The following SOX17 variants were observed in gnomAD, a reference collection of about 807,000 sequenced individuals.
The protein encoded by SOX17 is SRY-box transcription factor 17.
Under a neutral mutation model 16.0 loss-of-function variants are expected in SOX17, and 4 were observed. That is an observed-to-expected ratio of 0.25 (90% CI 0.12 to 0.57). The LOEUF (loss-of-function observed/expected upper bound fraction) is 0.57. Among genes scored for constraint, SOX17 ranks in the 20% least tolerant of loss-of-function variants. The probability of loss-of-function intolerance (pLI) is 0.92; values close to 1 mark genes in which losing one functional copy is unlikely to be tolerated. For synonymous variants in SOX17, 357 were observed against 284.6 expected, an observed-to-expected ratio of 1.25 and a Z score of -2.56; for missense variants, 633 against 609.7, an observed-to-expected ratio of 1.04 and a Z score of -0.40.
Position 54,458,961 on chromosome 8 carries a change from A to AG in SOX17, c.308-91dup. ...CCCCGGTTGCGCAATTCAAAGTCTG[A>AG]GGGGGGAGGTGCGTCCAGGTGGGGC... On this transcript the variant is annotated intron_variant, in intron 1 of 1. Coordinates refer to ENST00000297316, the MANE Select transcript of SOX17 (RefSeq NM_022454.4). 5 of 1,137,426 alleles carry AG rather than the reference A, an allele frequency of 4.4e-6. No individual in the cohort carries two copies. In the South Asian group the frequency reaches 5.1e-5, roughly 12 times the overall value. 70.5% of individuals were successfully genotyped at this position (1,137,426 alleles called of 1,614,324 possible).
At position 54,459,970 on chromosome 8, in the gene SOX17, A is replaced by G. The variant is rs1586330759; in HGVS notation, c.1220A>G (p.Tyr407Cys). 6.2e-7 allele frequency: 1 copy of G among 1,613,834 alleles called. No individual in the cohort carries two copies. The highest frequency in any genetic ancestry group is 8.5e-7 in the Non-Finnish European group (1 of 1,180,042). The part of the protein sequence containing the change: ...SVVSDASSAV[Y>C]YCNYPDV Reference sequence around the variant, plus strand: ...GTGTCCGACGCCAGCTCCGCGGTATATTACTGCAACTATCCTGACGTGTGA... The same window carrying G: ...GTGTCCGACGCCAGCTCCGCGGTATGTTACTGCAACTATCCTGACGTGTGA... Residue 407 changes from tyrosine (Y) to cysteine (C), a missense_variant, in exon 2 of 2, where the codon TAT becomes TGT. Tyr to Cys is a radical substitution (Grantham distance 194). This residue lies in a region of SOX17 where 479 missense variants were observed against 397.2 expected (regional missense o/e 1.21). Transcript: ENST00000297316.
rs1022573599 is a variant in SOX17 at position 54,460,094 on chromosome 8, CTGT to C, written c.*107_*109del. ...TCAGACTCCTGGGTTTTTGTTGTTGCTGTTGTTGTTTTTTAAAAGGTGTGTTGG... is the reference window on the plus strand; with the variant it reads ...TCAGACTCCTGGGTTTTTGTTGTTGCTGTTGTTTTTTAAAAGGTGTGTTGG... On this transcript the variant is annotated 3_prime_UTR_variant, in exon 2 of 2. Transcript: ENST00000297316. 28 of 1,314,064 alleles carry C rather than the reference CTGT, an allele frequency of 2.1e-5. No homozygotes were observed. Among genetic ancestry groups the C allele is most frequent in the African/African-American group, 7.2e-5 (5 of 69,100 alleles). 81.4% of individuals were successfully genotyped at this position (1,314,064 alleles called of 1,614,324 possible). A position where few individuals can be genotyped will look rare whatever the true frequency, so the allele number is the denominator to read the frequency against.
rs777465821 is a variant in SOX17 at position 54,459,501 on chromosome 8, T to A, written c.751T>A (p.Tyr251Asn). 3 of 1,527,048 alleles carry A rather than the reference T, an allele frequency of 2.0e-6. No homozygotes were observed. In the South Asian group the frequency reaches 3.6e-5, roughly 18 times the overall value. The allele number at this position is 1,527,048 out of a possible 1,614,324, so 94.6% of individuals were successfully genotyped here. ...CGGGGACTGCCCGGCGGCCGGCACC[T>A]ACAGCTACGCGCAGGTCTCGGACTA... The part of the protein sequence containing the change: ...MPGDCPAAGT[Y>N]SYAQVSDYAG... Residue 251 changes from tyrosine to asparagine, a missense_variant, in exon 2 of 2, where the codon TAC becomes AAC. This residue lies in a region of SOX17 where 479 missense variants were observed against 397.2 expected (regional missense o/e 1.21). Coordinates refer to ENST00000297316, the MANE Select transcript of SOX17 (RefSeq NM_022454.4).
Position 54,460,284 on chromosome 8 carries a change from C to T in SOX17, c.*289C>T, listed in dbSNP as rs984536780. The T allele has an allele frequency of 4.1e-6, 2 of 489,202 alleles. No individual in the cohort carries two copies. Among genetic ancestry groups the T allele is most frequent in the Non-Finnish European group, 7.3e-6 (2 of 272,692 alleles). The allele number at this position is 489,202 out of a possible 1,614,324, so 30.3% of individuals were successfully genotyped here. A position where few individuals can be genotyped will look rare whatever the true frequency, so the allele number is the denominator to read the frequency against. On this transcript the variant is annotated 3_prime_UTR_variant, in exon 2 of 2. Transcript: ENST00000297316. ...CTTTGAATGTGTCCCAAAACAGCTT[C>T]CTCCATTTCCTGAAAGTTTATTGAT...
In SOX17 at chr8:54,459,661, G is replaced by A. The variant is rs778285436; in HGVS notation, c.911G>A (p.Gly304Glu). The A allele has an allele frequency of 2.7e-5, 41 of 1,536,716 alleles. No individual in the cohort carries two copies. Among genetic ancestry groups the A allele is most frequent in the Middle Eastern group, 3.3e-4 (2 of 5,992 alleles). ...HVYYGAMGSP[G>E]AGGGRGFQMQ... is the part of the protein sequence containing the mutation. ...TACTACGGCGCGATGGGCTCGCCCGGGGCGGGCGGCGGGCGCGGCTTCCAG... is the reference window on the plus strand; with the variant it reads ...TACTACGGCGCGATGGGCTCGCCCGAGGCGGGCGGCGGGCGCGGCTTCCAG... Residue 304 changes from glycine (G) to glutamate (E), a missense_variant, in exon 2 of 2, where the codon GGG (glycine) becomes GAG (glutamate). Around this residue, in one of 5 missense-constraint regions of SOX17, gnomAD observed 479 missense variants for 397.2 expected, o/e 1.21. Coordinates refer to ENST00000297316, the MANE Select transcript of SOX17 (RefSeq NM_022454.4).
rs559300834 is a variant in SOX17 at position 54,459,167 on chromosome 8, G to A, written c.417G>A (p.Pro139=). ...MQDHPNYKYR[P]RRRKQVKRLK... ...ACCACCCCAACTACAAGTACCGGCCGCGGCGGCGCAAGCAGGTGAAGCGGC... is the reference window on the plus strand; with the variant it reads ...ACCACCCCAACTACAAGTACCGGCCACGGCGGCGCAAGCAGGTGAAGCGGC... Residue 139 remains proline (P), a synonymous_variant, in exon 2 of 2, where the codon CCG becomes CCA. Coordinates refer to ENST00000297316, the MANE Select transcript of SOX17 (RefSeq NM_022454.4). The A allele has an allele frequency of 3.8e-5, 61 of 1,605,572 alleles. No individual in the cohort carries two copies. In the East Asian group the frequency reaches 1.2e-3, roughly 32 times the overall value.
In SOX17 at chr8:54,460,133, A is replaced by G; in HGVS notation, c.*138A>G. The stretch of plus-strand genomic sequence containing the variant: ...TAAAAGGTGTGTTGGCATATAATTT[A>G]TGGTAATTTATTTTGTCTGCCACTT... On this transcript the variant is annotated 3_prime_UTR_variant, in exon 2 of 2. Transcript: ENST00000297316. The G allele has an allele frequency of 1.1e-6, 1 of 874,266 alleles. No individual in the cohort carries two copies. The highest frequency in any genetic ancestry group is 2.2e-5 in the Admixed American group (1 of 45,904). 54.2% of individuals were successfully genotyped at this position (874,266 alleles called of 1,614,324 possible).
At position 54,459,104 on chromosome 8, in the gene SOX17, G is replaced by A. The variant is rs760363412; in HGVS notation, c.354G>A (p.Val118=). ...ALTLAEKRPF[V]EEAERLRVQH... ...CGCTGGCGGAGAAGCGGCCCTTCGT[G>A]GAGGAGGCAGAGCGGCTGCGCGTGC... is the stretch of plus-strand genomic sequence containing the variant. Residue 118 remains valine, a synonymous_variant, in exon 2 of 2, where the codon GTG becomes GTA. Transcript: ENST00000297316. 1 of 1,609,384 alleles carries A rather than the reference G, an allele frequency of 6.2e-7. No homozygotes were observed. The highest frequency in any genetic ancestry group is 8.5e-7 in the Non-Finnish European group (1 of 1,178,330).
chr8:54,458,537 G>A, intron 1 of SOX17, 92 bp downstream of exon 1: 2 of 1,495,432 alleles, frequency 1.3e-6, no homozygotes, highest in Non-Finnish European at 1.8e-6. Context: ...TTGCGAGCCT[G>A]ACGCCCAAAA....
At position 54,459,038 on chromosome 8, in the gene SOX17, C is replaced by CCCTT; in HGVS notation, c.308-13_308-10dup. 1 of 1,580,824 alleles carries CCCTT rather than the reference C, an allele frequency of 6.3e-7. No individual in the cohort carries two copies. The highest frequency in any genetic ancestry group is 1.8e-5 in the Admixed American group (1 of 55,944). Reference sequence around the variant, plus strand: ...GCCGATAAGCCCTGCGCCCCTCTCCCCCTTCCTTCCACTGTGCAGGCAAGT... The same window carrying CCCTT: ...GCCGATAAGCCCTGCGCCCCTCTCCCCCTTCCTTCCTTCCACTGTGCAGGCAAGT... On this transcript the variant is annotated intron_variant, in intron 1 of 1. Transcript: ENST00000297316.
At chr8:54,459,010 G>A (rs2129277962) in intron 1 of SOX17, 48 bp from the exon 2 acceptor site, 3 of 1,487,870 alleles carry the variant, frequency 2.0e-6, no homozygotes, top group Non-Finnish European at 1.8e-6. Flanking sequence ...GAGCGGGAGC[G>A]CAGCCGATAA....
Position 54,459,565 on chromosome 8 carries a change from C to T in SOX17, c.815C>T (p.Pro272Leu), listed in dbSNP as rs1804701635. The T allele has an allele frequency of 1.3e-6, 2 of 1,536,308 alleles. No individual in the cohort carries two copies. The highest frequency in any genetic ancestry group is 1.9e-4 in the Middle Eastern group (1 of 5,332). The change falls in exon 2 of 2, where the codon CCC becomes CTC. Residue 272 changes from proline (P) to leucine (L), a missense_variant. Physicochemically the swap from Pro to Leu is moderately conservative, Grantham distance 98 (BLOSUM62 -3). Coordinates refer to ENST00000297316, the MANE Select transcript of SOX17 (RefSeq NM_022454.4). ...PPEPPAGPMH[P>L]RLGPEPAGPS... ...GAGCCTCCCGCCGGTCCCATGCACC[C>T]CCGACTCGGCCCAGAGCCCGCGGGT... is the stretch of plus-strand genomic sequence containing the variant.
rs976208695 is a variant in SOX17 at position 54,458,423 on chromosome 8, C to T, written c.285C>T (p.Asn95=). 1.4e-5 allele frequency: 23 copies of T among 1,612,692 alleles called. No homozygotes were observed. Among genetic ancestry groups the T allele is most frequent in the East Asian group, 2.2e-5 (1 of 44,886 alleles). The change falls in exon 1 of 2, where the codon AAC becomes AAT. Residue 95 remains asparagine, a synonymous_variant. Transcript: ENST00000297316. ...RLAQQNPDLH[N]AELSKMLGKS... ...CGCAGCAGAATCCAGACCTGCACAACGCCGAGTTGAGCAAGATGCTGGGTG... is the reference window on the plus strand; with the variant it reads ...CGCAGCAGAATCCAGACCTGCACAATGCCGAGTTGAGCAAGATGCTGGGTG...
Position 54,459,791 on chromosome 8 carries a change from C to G in SOX17, c.1041C>G (p.Asp347Glu). ...CACTGCCCTGCCGGGACGGCACGGA[C>G]CCCAGTCAGCCCGCCGAGCTCCTCG... ...PEALPCRDGT[D>E]PSQPAELLGE... Residue 347 changes from aspartate (D) to glutamate (E), a missense_variant, in exon 2 of 2, where the codon GAC becomes GAG. Coordinates refer to ENST00000297316, the MANE Select transcript of SOX17 (RefSeq NM_022454.4). 1 of 1,606,610 alleles carries G rather than the reference C, an allele frequency of 6.2e-7. No individual in the cohort carries two copies. Among genetic ancestry groups the G allele is most frequent in the Non-Finnish European group, 8.5e-7 (1 of 1,177,276 alleles).
At position 54,458,233 on chromosome 8, in the gene SOX17, G is replaced by C; in HGVS notation, c.95G>C (p.Trp32Ser). ...AVMAGLGPCP[W>S]AESLSPIGDM... The stretch of plus-strand genomic sequence containing the variant: ...ATGGCCGGGCTGGGCCCCTGCCCCT[G>C]GGCCGAGTCGCTGAGCCCCATCGGG... The change falls in exon 1 of 2, where the codon TGG (tryptophan) becomes TCG (serine). Residue 32 changes from tryptophan (W) to serine (S), a missense_variant. Trp to Ser is a radical substitution (Grantham distance 177). This residue lies in a region of SOX17 where 94 missense variants were observed against 98.7 expected (regional missense o/e 0.95). Transcript: ENST00000297316. 2.5e-6 allele frequency: 4 copies of C among 1,598,374 alleles called. No individual in the cohort carries two copies. In the South Asian group the frequency reaches 3.4e-5, roughly 13 times the overall value.
At chr8:54,458,900 G>C (rs1038065248) in intron 1 of SOX17, among the ~76,000 whole-genome samples, 158 bp from the exon 2 acceptor site, 3 of 152,200 alleles carry the variant, frequency 2.0e-5, no homozygotes, top group Non-Finnish European at 4.4e-5. Flanking sequence ...CCAAGGGCTC[G>C]GACTCAGGAG....
chr8:54,459,427 C>T lies in SOX17; in HGVS notation c.677C>T (p.Pro226Leu). The T allele has an allele frequency of 1.3e-6, 2 of 1,531,828 alleles. No individual in the cohort carries two copies. The highest frequency in any genetic ancestry group is 1.2e-5 in the South Asian group (1 of 82,946). 94.9% of individuals were successfully genotyped at this position (1,531,828 alleles called of 1,614,324 possible). The change falls in exon 2 of 2, where the codon CCG (proline) becomes CTG (leucine). Residue 226 changes from proline to leucine, a missense_variant. By Grantham distance (98) the Pro-to-Leu change is moderately conservative (BLOSUM62 -3). Around this residue, in one of 5 missense-constraint regions of SOX17, gnomAD observed 479 missense variants for 397.2 expected, o/e 1.21. Transcript: ENST00000297316. ...GYPLPTPDTS[P>L]LDGVDPDPAF... ...CCGTTGCCCACGCCCGACACGTCCCCGCTGGACGGCGTGGACCCCGACCCG... is the reference window on the plus strand; with the variant it reads ...CCGTTGCCCACGCCCGACACGTCCCTGCTGGACGGCGTGGACCCCGACCCG...
Position 54,458,281 on chromosome 8 carries a change from C to A in SOX17, c.143C>A (p.Ala48Glu), listed in dbSNP as rs759612481. The A allele has an allele frequency of 1.4e-5, 23 of 1,609,200 alleles. No individual in the cohort carries two copies. In the Admixed American group the frequency reaches 3.9e-4, roughly 27 times the overall value. ...PIGDMKVKGE[A>E]PANSGAPAGA... ...GGGGACATGAAGGTGAAGGGCGAGG[C>A]GCCGGCGAACAGCGGAGCACCGGCC... The change falls in exon 1 of 2, where the codon GCG (alanine) becomes GAG (glutamate). Residue 48 changes from alanine to glutamate, a missense_variant. Transcript: ENST00000297316.
chr8:54,459,618 C>T lies in SOX17; in HGVS notation c.868C>T (p.Pro290Ser), dbSNP rs1458633747. Reference protein sequence around the residue: ...GPSIPGLLAPPSALHVYYGAM... With the variant: ...GPSIPGLLAPSSALHVYYGAM... ...CTCGATTCCGGGCCTCCTGGCGCCA[C>T]CCAGCGCCCTTCACGTGTACTACGG... Residue 290 changes from proline to serine, a missense_variant, in exon 2 of 2, where the codon CCC becomes TCC. Physicochemically the swap from Pro to Ser is moderately conservative, Grantham distance 74. Transcript: ENST00000297316. 1.3e-6 allele frequency: 2 copies of T among 1,540,108 alleles called. No individual in the cohort carries two copies. The highest frequency in any genetic ancestry group is 1.7e-6 in the Non-Finnish European group (2 of 1,148,456).
Sources: gnomAD v4.1 joint callset for allele counts (sites outside exome capture counted in the v4.1 genomes callset) on GRCh38, gnomAD v4.1.1 for gene constraint, gnomAD v4.1.1 regional missense constraint, MANE v1.5 for transcripts, NCBI Gene and HGNC (gene_info 2026-07-23, HGNC 2026-07-21) for gene names.